The following DROSHA variants were observed in gnomAD, a reference collection of about 807,000 sequenced individuals.
The protein encoded by DROSHA is drosha ribonuclease III.
DROSHA carries 56 observed loss-of-function variants against 181.9 expected under a neutral mutation model. The ratio of observed to expected loss-of-function variants is 0.31; its 90% confidence interval spans 0.25 to 0.38. DROSHA has a LOEUF of 0.38. Among genes scored for constraint, DROSHA ranks in the 10% least tolerant of loss-of-function variants. The pLI, the probability that DROSHA is intolerant of heterozygous loss-of-function variation, is 1.00. For missense variants in DROSHA, 1,218 were observed against 1,743.5 expected (o/e 0.70, Z 5.37); for synonymous variants, 524 against 591.2 (o/e 0.89, Z 1.65).
chr5:31,509,434 C>T (rs1440366528), intron 9 of DROSHA, among the ~76,000 whole-genome samples: 5 of 151,992 alleles, frequency 3.3e-5, no homozygotes, highest in African/African-American at 7.3e-5. Context: ...CACTGGGATC[C>T]AGAAAGGCTG....
intron 5 of DROSHA, among the ~76,000 whole-genome samples, chr5:31,522,449 A>AAT (rs536206137): frequency 8.1e-6 from 1 of 123,732 alleles, no homozygotes; most frequent in African/African-American, 2.6e-5. Context: ...GGATATTTCT[A>AAT]ATATATTTTT....
intron 30 of DROSHA, among the ~76,000 whole-genome samples, 176 bp downstream of exon 30, chr5:31,421,096 G>T (rs1303347772): frequency 2.6e-5 from 4 of 152,238 alleles, no homozygotes; most frequent in Non-Finnish European, 4.4e-5. Flanking sequence ...AGTATAAAAT[G>T]AGCTCTCATT....
intron 8 of DROSHA, among the ~76,000 whole-genome samples, chr5:31,511,484 T>C (rs919422965): frequency 1.7e-4 from 26 of 151,952 alleles, no homozygotes; most frequent in Non-Finnish European, 2.6e-4. Context: ...GGCAGGAGGA[T>C]TGCTCGAGGC....
In DROSHA at chr5:31,400,703, A is replaced by T. The variant is rs1212399174; in HGVS notation, c.*729T>A. The T allele has an allele frequency of 6.6e-6, 1 of 152,250 alleles. No homozygotes were observed. The highest frequency in any genetic ancestry group is 1.5e-5 in the Non-Finnish European group (1 of 68,098). 9.4% of individuals were successfully genotyped at this position (152,250 alleles called of 1,614,324 possible). ...CAAACACACACAGAAAATTGAATAT[A>T]GTATTGGGAGGTTTTTGACTTCCTT... On this transcript the variant is annotated 3_prime_UTR_variant, in exon 36 of 36. Transcript: ENST00000344624.
chr5:31,494,394 G>A (rs1752732622), intron 12 of DROSHA, among the ~76,000 whole-genome samples: 1 of 152,178 alleles, frequency 6.6e-6, no homozygotes, highest in East Asian at 1.9e-4. Context: ...CTTGGAAAGA[G>A]GGGGAGCAAA....
At chr5:31,443,504 T>C (rs1222530560) in intron 23 of DROSHA, among the ~76,000 whole-genome samples, 2 of 152,206 alleles carry the variant, frequency 1.3e-5, no homozygotes, top group Admixed American at 6.5e-5. Context: ...GACACCCTTT[T>C]TGTGCTAACA....
chr5:31,481,877 G>C (rs4608934), intron 16 of DROSHA, among the ~76,000 whole-genome samples: 148,570 of 152,320 alleles, frequency 0.98, 72,495 homozygotes, highest in East Asian at 1. Flanking sequence ...TGAGGCACAT[G>C]CTCTGCACTT....
chr5:31,475,627 AAAG>A (rs1283801268), intron 16 of DROSHA, among the ~76,000 whole-genome samples: 1 of 152,210 alleles, frequency 6.6e-6, no homozygotes, highest in African/African-American at 2.4e-5. Flanking sequence ...GGAACTAAGG[AAAG>A]AAGAAAATAG....
At chr5:31,419,796 C>A (rs1017902772) in intron 30 of DROSHA, among the ~76,000 whole-genome samples, 1 of 152,196 alleles carries the variant, frequency 6.6e-6, no homozygotes, top group African/African-American at 2.4e-5. Context: ...ACCAGATACT[C>A]TGACACGTAT....
intron 33 of DROSHA, 161 bp downstream of exon 33, chr5:31,408,895 G>A: frequency 3.3e-6 from 2 of 611,388 alleles, no homozygotes; most frequent in South Asian, 2.1e-5. Context: ...GAGCCCCAGT[G>A]AGTTTCCCTG....
chr5:31,458,852 C>T (rs1748013162), intron 20 of DROSHA, among the ~76,000 whole-genome samples: 1 of 152,136 alleles, frequency 6.6e-6, no homozygotes, highest in Non-Finnish European at 1.5e-5. Context: ...TTATAGGAAA[C>T]ACAAGGGGCA....
At chr5:31,448,663 C>T (rs768653025) in intron 22 of DROSHA, 56 bp from the exon 23 acceptor site, 11 of 1,365,856 alleles carry the variant, frequency 8.1e-6, no homozygotes, top group Non-Finnish European at 1.1e-5. Flanking sequence ...AATTATAGGA[C>T]CATCATATTA....
chr5:31,526,103 C>T lies in DROSHA; in HGVS notation c.830G>A (p.Arg277His), dbSNP rs756928342. Reference sequence around the variant, plus strand: ...CCTGCTCCGTTCGTAGCTGCGGTGGCGAGATGGTGTTCTCCCTCGGTCATA... The same window carrying T: ...CCTGCTCCGTTCGTAGCTGCGGTGGTGAGATGGTGTTCTCCCTCGGTCATA... ...SDYDRGRTPS[R>H]HRSYERSRER... Residue 277 changes from arginine (R) to histidine (H), a missense_variant, in exon 5 of 36, where the codon CGC (arginine) becomes CAC (histidine). Around this residue, in one of 8 missense-constraint regions of DROSHA, gnomAD observed 536 missense variants for 535.4 expected, o/e 1.00. Transcript: ENST00000344624. 3.8e-5 allele frequency: 61 copies of T among 1,597,214 alleles called. No homozygotes were observed. The highest frequency in any genetic ancestry group is 4.9e-5 in the Non-Finnish European group (57 of 1,166,932).
chr5:31,518,626 G>T (rs115817026), intron 6 of DROSHA, among the ~76,000 whole-genome samples: 468 of 152,230 alleles, frequency 3.1e-3, no homozygotes, highest in African/African-American at 0.01. Context: ...TTACTCTGAG[G>T]CTGGCACCCT....
At chr5:31,464,525 G>A (rs1187347203) in intron 19 of DROSHA, among the ~76,000 whole-genome samples, 182 bp from the exon 20 acceptor site, 1 of 147,552 alleles carries the variant, frequency 6.8e-6, no homozygotes, top group Non-Finnish European at 1.5e-5. Context: ...TCAAAGCTTG[G>A]GGTATAACAC....
intron 27 of DROSHA, among the ~76,000 whole-genome samples, chr5:31,427,830 A>G (rs1481549276): frequency 6.6e-6 from 1 of 152,204 alleles, no homozygotes; most frequent in Non-Finnish European, 1.5e-5. Flanking sequence ...AACATCTCTC[A>G]CATGCTACAA....
intron 18 of DROSHA, chr5:31,467,387 C>A (rs1749198224): frequency 6.6e-6 from 1 of 151,950 alleles, no homozygotes. Context: ...TATCTCCATT[C>A]CCACACATCC....
chr5:31,447,484 T>C (rs1746452949), intron 23 of DROSHA, among the ~76,000 whole-genome samples: 1 of 152,158 alleles, frequency 6.6e-6, no homozygotes, highest in African/African-American at 2.4e-5. Context: ...AATCCAAAAA[T>C]TCGTGTGGAA....
At chr5:31,466,327 C>A in intron 18 of DROSHA, 46 bp from the exon 19 acceptor site, 1 of 1,551,480 alleles carries the variant, frequency 6.4e-7, no homozygotes, top group Non-Finnish European at 8.9e-7. Context: ...AGGAGGTAAA[C>A]CTAAAATGCA....
Sources: allele counts gnomAD v4.1 joint callset (sites outside exome capture counted in the v4.1 genomes callset), GRCh38; gene constraint gnomAD v4.1.1; regional missense constraint gnomAD v4.1.1; transcripts MANE v1.5; gene names NCBI Gene and HGNC (gene_info 2026-07-23, HGNC 2026-07-21).